UBE2E2: variants seen among roughly 807,000 people sequenced by gnomAD.
The protein encoded by UBE2E2 is ubiquitin-conjugating enzyme E2 E2.
In UBE2E2, 6 loss-of-function variants were observed where a neutral mutation model predicts 24.7. The observed-to-expected ratio is 0.24, with a 90% confidence interval of 0.13 to 0.48. The LOEUF (loss-of-function observed/expected upper bound fraction) is 0.48, where lower values mean the gene tolerates loss of function less well. Among genes scored for constraint, UBE2E2 ranks in the 20% least tolerant of loss-of-function variants. UBE2E2 has a pLI of 0.99. For missense variants in UBE2E2, 169 were observed against 245.0 expected, an observed-to-expected ratio of 0.69 and a Z score of 2.07; for synonymous variants, 104 against 83.6, an observed-to-expected ratio of 1.24 and a Z score of -1.33.
At chr3:23,347,679 G>A (rs1017863693) in intron 3 of UBE2E2, among the ~76,000 whole-genome samples, 2 of 152,074 alleles carry the variant, frequency 1.3e-5, no homozygotes, top group Admixed American at 1.3e-4. Context: ...TTGTGCACAT[G>A]TACCCTAAAA....
chr3:23,213,550 A>T (rs752519030), intron 2 of UBE2E2, among the ~76,000 whole-genome samples: 1 of 152,110 alleles, frequency 6.6e-6, no homozygotes, highest in Non-Finnish European at 1.5e-5. Context: ...TTGTCTCAGG[A>T]ACAATGGGCA....
intron 3 of UBE2E2, among the ~76,000 whole-genome samples, chr3:23,274,668 A>G (rs1698337251): frequency 6.6e-6 from 1 of 152,068 alleles, no homozygotes; most frequent in Non-Finnish European, 1.5e-5. Context: ...CGCCCAGCCT[A>G]AGAAACTGAT....
chr3:23,499,556 T>C, intron 3 of UBE2E2, 52 bp from the exon 4 acceptor site: 1 of 1,572,258 alleles, frequency 6.4e-7, no homozygotes, highest in Non-Finnish European at 8.6e-7. Flanking sequence ...TTTGTTAAAT[T>C]CCAGCCTTTA....
At chr3:23,500,152 A>AGGCAAGGT (rs1699690535) in intron 4 of UBE2E2, among the ~76,000 whole-genome samples, 1 of 152,230 alleles carries the variant, frequency 6.6e-6, no homozygotes, top group South Asian at 2.1e-4. Flanking sequence ...AGCCTTGCCT[A>AGGCAAGGT]GGCAAGGTTT....
chr3:23,488,166 G>T (rs371420199), intron 3 of UBE2E2, among the ~76,000 whole-genome samples: 16 of 149,436 alleles, frequency 1.1e-4, no homozygotes, highest in East Asian at 2.0e-4. Context: ...GAAACAACTT[G>T]TCTTGATAAT....
At chr3:23,341,693 ACTTC>A (rs1448406228) in intron 3 of UBE2E2, among the ~76,000 whole-genome samples, 1 of 151,190 alleles carries the variant, frequency 6.6e-6, no homozygotes, top group African/African-American at 2.4e-5. Flanking sequence ...CTTTTCTTTC[ACTTC>A]CTTCTTCTCG....
At chr3:23,412,171 A>T (rs1286883170) in intron 3 of UBE2E2, among the ~76,000 whole-genome samples, 1 of 152,196 alleles carries the variant, frequency 6.6e-6, no homozygotes, top group Non-Finnish European at 1.5e-5. Flanking sequence ...TTTAAATAGG[A>T]TGTAATAATT....
At chr3:23,331,856 A>G (rs1695067483) in intron 3 of UBE2E2, among the ~76,000 whole-genome samples, 1 of 152,212 alleles carries the variant, frequency 6.6e-6, no homozygotes, top group South Asian at 2.1e-4. Context: ...TTACATTTCT[A>G]AAGGAACATT....
chr3:23,563,836 A>C (rs1375367209), intron 5 of UBE2E2, among the ~76,000 whole-genome samples: 27 of 152,094 alleles, frequency 1.8e-4, no homozygotes. Context: ...TATTTTCCGT[A>C]AGACTGCATT....
At chr3:23,390,576 TGTAA>T (rs1696911092) in intron 3 of UBE2E2, among the ~76,000 whole-genome samples, 1 of 152,024 alleles carries the variant, frequency 6.6e-6, no homozygotes, top group African/African-American at 2.4e-5. Context: ...GAGGGCAGAG[TGTAA>T]AAGGCTGTCT....
intron 3 of UBE2E2, among the ~76,000 whole-genome samples, chr3:23,290,026 T>G (rs556070282): frequency 6.6e-6 from 1 of 152,382 alleles, no homozygotes; most frequent in African/African-American, 2.4e-5. Context: ...AGGGGAAATT[T>G]GAGTTAACAC....
chr3:23,351,465 T>C (rs1048129365), intron 3 of UBE2E2, among the ~76,000 whole-genome samples: 2 of 152,156 alleles, frequency 1.3e-5, no homozygotes, highest in African/African-American at 2.4e-5. Flanking sequence ...TCAAGACCCA[T>C]CAGTGTGCTG....
Position 23,203,397 on chromosome 3 carries a change from G to A in UBE2E2, c.-76G>A, listed in dbSNP as rs1404353648. ...GGCCTCCCCAGTCTCCCTCCCCCTC[G>A]CGCCTGGGCAGCTCTCTCCCAGGGC... is the stretch of plus-strand genomic sequence containing the variant. On this transcript the variant is annotated 5_prime_UTR_variant, in exon 1 of 6. Coordinates refer to ENST00000396703, the MANE Select transcript of UBE2E2 (RefSeq NM_152653.4). 2.0e-6 allele frequency: 2 copies of A among 983,944 alleles called. No individual in the cohort carries two copies. The highest frequency in any genetic ancestry group is 3.5e-5 in the African/African-American group (2 of 56,608). The allele number at this position is 983,944 out of a possible 1,614,324, so 61.0% of individuals were successfully genotyped here. A position where few individuals can be genotyped will look rare whatever the true frequency, so the allele number is the denominator to read the frequency against.
At chr3:23,275,389 A>G (rs1698354106) in intron 3 of UBE2E2, among the ~76,000 whole-genome samples, 1 of 152,194 alleles carries the variant, frequency 6.6e-6, no homozygotes, top group Admixed American at 6.5e-5. Flanking sequence ...GAAATAGACC[A>G]ATTGTGCCTG....
chr3:23,444,060 G>GTTTTTTTTT (rs1359491293), intron 3 of UBE2E2, among the ~76,000 whole-genome samples: 1 of 125,682 alleles, frequency 8.0e-6, no homozygotes, highest in African/African-American at 3.2e-5. Context: ...TTCTTCACCA[G>GTTTTTTTTT]TTTTGTTTTT....
At chr3:23,498,724 C>A (rs1699658436) in intron 3 of UBE2E2, among the ~76,000 whole-genome samples, 1 of 152,154 alleles carries the variant, frequency 6.6e-6, no homozygotes, top group Non-Finnish European at 1.5e-5. Flanking sequence ...TCCAGTGATG[C>A]ATGCCTGTAA....
At chr3:23,251,642 GATTC>G (rs1314828390) in intron 3 of UBE2E2, among the ~76,000 whole-genome samples, 2 of 152,142 alleles carry the variant, frequency 1.3e-5, no homozygotes, top group African/African-American at 4.8e-5. Flanking sequence ...TTTGTAAAGT[GATTC>G]ATTATTAACT....
chr3:23,310,198 G>A (rs767754227), intron 3 of UBE2E2, among the ~76,000 whole-genome samples: 8 of 151,808 alleles, frequency 5.3e-5, no homozygotes, highest in South Asian at 2.1e-4. Flanking sequence ...CTACAGTTAC[G>A]TTGGTAAGTT....
At chr3:23,440,177 C>T (rs184079401) in intron 3 of UBE2E2, among the ~76,000 whole-genome samples, 1 of 151,896 alleles carries the variant, frequency 6.6e-6, no homozygotes, top group Non-Finnish European at 1.5e-5. Flanking sequence ...GGAGGGCTGA[C>T]GCAGGAGAAT....
Sources: allele counts gnomAD v4.1 joint callset (sites outside exome capture counted in the v4.1 genomes callset), GRCh38; gene constraint gnomAD v4.1.1; transcripts MANE v1.5; gene names NCBI Gene and HGNC (gene_info 2026-07-23, HGNC 2026-07-21).